Variants in TBC1D5 observed in about 807,000 individuals in gnomAD.
The protein encoded by TBC1D5 is TBC1 domain family member 5, also known as TBC1 domain family, member 5.
A neutral mutation model predicts 100.3 loss-of-function variants in TBC1D5; 75 were observed. The observed-to-expected ratio is 0.75, with a 90% CI of 0.62 to 0.91. The LOEUF (loss-of-function observed/expected upper bound fraction) is 0.91. TBC1D5 is among the 40% of genes least tolerant of loss of function. The pLI, the probability that TBC1D5 is intolerant of heterozygous loss-of-function variation, is 0.00. For missense variants in TBC1D5, 910 were observed against 942.4 expected, an observed-to-expected ratio of 0.97 and a Z score of 0.45; for synonymous variants, 323 against 325.6, an observed-to-expected ratio of 0.99 and a Z score of 0.09.
In TBC1D5 at chr3:17,634,561, T is replaced by C. The variant is rs576129875; in HGVS notation, c.-100-10648A>G. Among the ~76,000 whole-genome samples, 530 of 142,766 alleles carry C rather than the reference T, an allele frequency of 3.7e-3. 4 individuals carry two copies. Among genetic ancestry groups the C allele is most frequent in the African/African-American group, 0.013 (502 of 37,986 alleles). 93.7% of individuals were successfully genotyped at this position (142,766 alleles called of 152,430 possible). On this transcript the variant is annotated intron_variant, in intron 1 of 21. Transcript: ENST00000253692. ...CCCATGGAGGTAGAAAGTAGAAAAATGGTTACCAGAGGCTGGGAAGCGTAG... is the reference window on the plus strand; with the variant it reads ...CCCATGGAGGTAGAAAGTAGAAAAACGGTTACCAGAGGCTGGGAAGCGTAG...
intron 1 of TBC1D5, among the ~76,000 whole-genome samples, chr3:17,646,096 AAT>A (rs894237320): frequency 2.0e-5 from 3 of 152,116 alleles, no homozygotes; most frequent in Admixed American, 6.6e-5. Context: ...GCCCAAACCC[AAT>A]ATGACTGATG....
intron 1 of TBC1D5, among the ~76,000 whole-genome samples, chr3:17,653,976 T>A (rs558466259): frequency 6.6e-6 from 1 of 152,094 alleles, no homozygotes; most frequent in African/African-American, 2.4e-5. Context: ...TTCACAAAAT[T>A]TGCATCTACT....
In TBC1D5 at chr3:17,494,414, A is replaced by G. The variant is rs2095677712; in HGVS notation, c.97+14060T>C. ...GGCACGGAATCAGGAACCTGCTTAA[A>G]GCAACAGTCTGGCTGCCCCTTGGTG... On this transcript the variant is annotated intron_variant, in intron 3 of 21. Coordinates refer to ENST00000253692, the Ensembl canonical transcript of TBC1D5. 1.3e-5 allele frequency among the ~76,000 whole-genome samples: 2 copies of G among 152,204 alleles called. 1 individual carries two copies. The highest frequency in any genetic ancestry group is 4.1e-4 in the South Asian group (2 of 4,834).
At chr3:17,526,481 C>G (rs183672393) in intron 2 of TBC1D5, among the ~76,000 whole-genome samples, 1 of 152,108 alleles carries the variant, frequency 6.6e-6, no homozygotes, top group Non-Finnish European at 1.5e-5. Flanking sequence ...TGAGCCACAA[C>G]GCTTGGCCCA....
chr3:17,531,914 C>T (rs1017652337), intron 2 of TBC1D5, among the ~76,000 whole-genome samples: 3 of 152,144 alleles, frequency 2.0e-5, no homozygotes, highest in Non-Finnish European at 2.9e-5. Context: ...CCATTCAGGA[C>T]ATAGGCATGG....
At chr3:17,341,139 A>T (rs1440378595) in intron 13 of TBC1D5, among the ~76,000 whole-genome samples, 6 of 152,208 alleles carry the variant, frequency 3.9e-5, no homozygotes. Flanking sequence ...AACAATGGCT[A>T]ATACTTATTT....
At chr3:17,307,149 G>A (rs1054399112) in intron 14 of TBC1D5, among the ~76,000 whole-genome samples, 1 of 152,096 alleles carries the variant, frequency 6.6e-6, no homozygotes. Context: ...CAAATAAAGA[G>A]AACAACATAA....
chr3:17,275,611 T>A (rs1237255748), intron 15 of TBC1D5, among the ~76,000 whole-genome samples: 2 of 152,178 alleles, frequency 1.3e-5, no homozygotes, highest in Non-Finnish European at 2.9e-5. Flanking sequence ...CTTGATTATA[T>A]CCCTTGTATG....
intron 21 of TBC1D5, among the ~76,000 whole-genome samples, chr3:17,161,984 A>G (rs1287679077): frequency 6.6e-6 from 1 of 152,174 alleles, no homozygotes; most frequent in Non-Finnish European, 1.5e-5. Flanking sequence ...CTCAAAAATT[A>G]TTTTCTTTCT....
At chr3:17,527,970 G>A (rs1201911230) in intron 2 of TBC1D5, among the ~76,000 whole-genome samples, 1 of 151,940 alleles carries the variant, frequency 6.6e-6, no homozygotes, top group Non-Finnish European at 1.5e-5. Flanking sequence ...GTTATGTTCA[G>A]GCCCCTGCTA....
At chr3:17,515,609 G>A (rs1217635942) in intron 2 of TBC1D5, among the ~76,000 whole-genome samples, 1 of 152,146 alleles carries the variant, frequency 6.6e-6, no homozygotes, top group East Asian at 1.9e-4. Flanking sequence ...TTAATAAGTG[G>A]CCTAACAAAA....
At chr3:17,444,687 G>A (rs2094744122) in intron 3 of TBC1D5, among the ~76,000 whole-genome samples, 1 of 151,956 alleles carries the variant, frequency 6.6e-6, no homozygotes, top group Non-Finnish European at 1.5e-5. Context: ...CATAATTATT[G>A]TACAAAATTT....
At chr3:17,562,701 A>G (rs781344299) in intron 2 of TBC1D5, among the ~76,000 whole-genome samples, 8 of 152,208 alleles carry the variant, frequency 5.3e-5, no homozygotes, top group Non-Finnish European at 7.3e-5. Flanking sequence ...ATATAAAAAA[A>G]TGTGTGACTT....
chr3:17,666,677 T>G (rs1022873453), intron 1 of TBC1D5, among the ~76,000 whole-genome samples: 1 of 152,110 alleles, frequency 6.6e-6, no homozygotes, highest in Non-Finnish European at 1.5e-5. Flanking sequence ...CTCCATAAAC[T>G]TCAGTGATTT....
chr3:17,423,471 T>C (rs2094265171), intron 4 of TBC1D5, among the ~76,000 whole-genome samples: 1 of 152,156 alleles, frequency 6.6e-6, no homozygotes, highest in Admixed American at 6.5e-5. Context: ...TGTTTTTTAA[T>C]TCAACACCAA....
intron 13 of TBC1D5, among the ~76,000 whole-genome samples, chr3:17,366,916 C>T (rs1347697912): frequency 6.6e-6 from 1 of 152,172 alleles, no homozygotes; most frequent in African/African-American, 2.4e-5. Flanking sequence ...AAAACAACTG[C>T]TAATCCAGAT....
chr3:17,450,751 A>G (rs1382757998), intron 3 of TBC1D5, among the ~76,000 whole-genome samples: 4 of 152,184 alleles, frequency 2.6e-5, no homozygotes, highest in Non-Finnish European at 5.9e-5. Flanking sequence ...GACCAAACCT[A>G]CGTTTGATTG....
chr3:17,160,971 C>G, exon 22 of TBC1D5: 1 of 1,613,388 alleles, frequency 6.2e-7, no homozygotes, highest in Non-Finnish European at 8.5e-7. Flanking sequence ...GGTCAGATGT[C>G]CAGGGGACTC....
intron 9 of TBC1D5, among the ~76,000 whole-genome samples, chr3:17,380,039 C>CTGTGTGTGTGTGTGTGTG (rs1442340088): frequency 2.0e-5 from 2 of 100,020 alleles, no homozygotes; most frequent in African/African-American, 3.3e-5. Flanking sequence ...ACAGCTGTGA[C>CTGTGTGTGTGTGTGTGTG]TGTGTATGTG....
Sources: allele counts gnomAD v4.1 joint callset (sites outside exome capture counted in the v4.1 genomes callset), GRCh38; gene constraint gnomAD v4.1.1; transcripts MANE v1.5; gene names NCBI Gene and HGNC (gene_info 2026-07-23, HGNC 2026-07-21).